SDK2: variants seen among roughly 807,000 people sequenced by gnomAD.
SDK2 encodes the protein sidekick cell adhesion molecule 2.
SDK2 carries 105 observed loss-of-function variants against 253.9 expected under a neutral mutation model. The ratio of observed to expected loss-of-function variants is 0.41; its 90% CI spans 0.35 to 0.49. The LOEUF is 0.49. SDK2 is among the 20% of genes least tolerant of loss of function. The pLI, the probability that SDK2 is intolerant of heterozygous loss-of-function variation, is 0.06. For missense variants in SDK2, 2,608 were observed against 3,003.0 expected (o/e 0.87, Z 3.07); for synonymous variants, 1,249 against 1,234.9 (o/e 1.01, Z -0.24).
At chr17:73,390,024 C>T (rs1170522618) in intron 29 of SDK2, among the ~76,000 whole-genome samples, 4 of 152,234 alleles carry the variant, frequency 2.6e-5, no homozygotes, top group Non-Finnish European at 5.9e-5. Flanking sequence ...GCTGGGATTA[C>T]AGGCGTGAGC....
rs143406840 is a variant in SDK2, at chr17:73,423,469, C to T, written c.1814G>A (p.Arg605Lys). 4 of 1,594,168 alleles carry T rather than the reference C, an allele frequency of 2.5e-6. No homozygotes were observed. The African/African-American group carries it at 5.4e-5, about 21-fold the overall frequency. The change falls in exon 14 of 45, where the codon AGG becomes AAG. Residue 605 changes from arginine to lysine, a missense_variant. Physicochemically the swap from Arg to Lys is conservative, Grantham distance 26. Coordinates refer to ENST00000392650, the MANE Select transcript of SDK2 (RefSeq NM_001144952.2). ...GGTCCACGTCAGGTTGATGGCTCGC[C>T]TTTCCACGGTGCTGAGAGTGGCCAC... The part of the protein sequence containing the change: ...HPVATLSTVE[R>K]RAINLTWTKP...
chr17:73,439,441 C>T (rs2063397048), intron 6 of SDK2, among the ~76,000 whole-genome samples: 1 of 152,162 alleles, frequency 6.6e-6, no homozygotes, highest in Non-Finnish European at 1.5e-5. Context: ...ACAAAAAAGG[C>T]TGGACACGGT....
intron 39 of SDK2, among the ~76,000 whole-genome samples, chr17:73,359,614 C>T (rs1052858996): frequency 6.6e-6 from 1 of 152,148 alleles, no homozygotes; most frequent in East Asian, 1.9e-4. Flanking sequence ...CTGCAGACCG[C>T]CCCCTGCACC....
chr17:73,397,940 G>T, intron 24 of SDK2, 95 bp downstream of exon 24: 1 of 1,356,144 alleles, frequency 7.4e-7, no homozygotes, highest in Non-Finnish European at 1.0e-6. Context: ...AAAGAGAGGA[G>T]AAAGGAGCTG....
intron 2 of SDK2, among the ~76,000 whole-genome samples, chr17:73,489,673 T>C (rs1277806535): frequency 6.6e-6 from 1 of 152,210 alleles, no homozygotes; most frequent in Non-Finnish European, 1.5e-5. Context: ...CAAGGGATGC[T>C]GGAAAGAGGC....
intron 1 of SDK2, among the ~76,000 whole-genome samples, chr17:73,573,911 T>C (rs988972900): frequency 1.3e-5 from 2 of 152,174 alleles, no homozygotes; most frequent in African/African-American, 2.4e-5. Flanking sequence ...CGGGCCTTGC[T>C]CTCAGGGGCC....
Position 73,415,830 on chromosome 17 carries a change from G to A in SDK2, c.2349C>T (p.Thr783=), listed in dbSNP as rs370359527. 10 of 1,554,012 alleles carry A rather than the reference G, an allele frequency of 6.4e-6. No homozygotes were observed. The highest frequency in any genetic ancestry group is 4.9e-5 in the East Asian group (2 of 41,106). ...AGLGVYSSKV[T]EWTLQGVPTV... is the part of the protein sequence containing the mutation. ...ACCTACCTCCCTGCAGCGTCCACTC[G>A]GTGACTTTACTGCTGTAGACCCCCA... The change falls in exon 17 of 45, where the codon ACC becomes ACT. Residue 783 remains threonine (T), a synonymous_variant. Transcript: ENST00000392650.
chr17:73,509,907 A>AC (rs968021353), intron 1 of SDK2, among the ~76,000 whole-genome samples: 3 of 142,152 alleles, frequency 2.1e-5, no homozygotes, highest in African/African-American at 7.9e-5. Context: ...CTCTACAAAA[A>AC]AAAAAAAAAA....
At chr17:73,422,229 T>C in intron 15 of SDK2, 58 bp downstream of exon 15, 1 of 1,592,290 alleles carries the variant, frequency 6.3e-7, no homozygotes, top group Non-Finnish European at 8.6e-7. Flanking sequence ...CGGTTTCGGC[T>C]GCAGCCCCTG....
At chr17:73,483,477 CTTTG>C (rs1458636762) in intron 2 of SDK2, among the ~76,000 whole-genome samples, 1 of 105,608 alleles carries the variant, frequency 9.5e-6, no homozygotes, top group Non-Finnish European at 1.8e-5. Flanking sequence ...CCTGGCTAAT[CTTTG>C]TGTGTGTGTG....
intron 1 of SDK2, among the ~76,000 whole-genome samples, chr17:73,627,892 A>AC (rs2046222162): frequency 6.6e-6 from 1 of 152,006 alleles, no homozygotes; most frequent in African/African-American, 2.4e-5. Flanking sequence ...CACTACAAAT[A>AC]CAAAAAAAAA....
At chr17:73,521,798 C>T (rs1003190507) in intron 1 of SDK2, among the ~76,000 whole-genome samples, 6 of 152,190 alleles carry the variant, frequency 3.9e-5, no homozygotes, top group Admixed American at 1.3e-4. Flanking sequence ...TCTCCTGGCG[C>T]GTACCAGGAA....
chr17:73,405,903 T>C (rs1298011128), intron 18 of SDK2, among the ~76,000 whole-genome samples: 2 of 151,910 alleles, frequency 1.3e-5, no homozygotes, highest in East Asian at 3.9e-4. Flanking sequence ...TTTTGCATTT[T>C]TAGTAGAAAC....
At position 73,555,778 on chromosome 17, in the gene SDK2, A is replaced by G. The variant is rs114713676; in HGVS notation, c.65-48181T>C. On this transcript the variant is annotated intron_variant, in intron 1 of 44. Coordinates refer to ENST00000392650, the MANE Select transcript of SDK2 (RefSeq NM_001144952.2). Reference sequence around the variant, plus strand: ...CCCAAAGCTGCCGGAGCCACTTAATATTCTGCAGAGGGGATCACTTCTCTT... The same window carrying G: ...CCCAAAGCTGCCGGAGCCACTTAATGTTCTGCAGAGGGGATCACTTCTCTT... Among the ~76,000 whole-genome samples the G allele has an allele frequency of 9.3e-3, 1,416 of 152,314 alleles. 16 individuals are homozygous for G. The highest frequency in any genetic ancestry group is 0.033 in the African/African-American group (1,367 of 41,564).
chr17:73,405,030 C>T (rs935324038), intron 18 of SDK2, among the ~76,000 whole-genome samples: 1 of 151,434 alleles, frequency 6.6e-6, no homozygotes, highest in African/African-American at 2.4e-5. Flanking sequence ...ATAGAAACAG[C>T]TGCCTTGCTG....
At chr17:73,620,606 CA>C (rs987188466) in intron 1 of SDK2, among the ~76,000 whole-genome samples, 3 of 152,172 alleles carry the variant, frequency 2.0e-5, no homozygotes, top group African/African-American at 7.2e-5. Context: ...CAACAGCCAA[CA>C]GGGGGAAATG....
At chr17:73,613,283 C>T (rs2046000702) in intron 1 of SDK2, among the ~76,000 whole-genome samples, 2 of 152,104 alleles carry the variant, frequency 1.3e-5, no homozygotes, top group Admixed American at 1.3e-4. Context: ...GGGCCCTCCA[C>T]GACTCCAAGC....
intron 1 of SDK2, among the ~76,000 whole-genome samples, chr17:73,567,261 C>T (rs2045325961): frequency 2.0e-5 from 3 of 152,272 alleles, no homozygotes; most frequent in African/African-American, 7.2e-5. Context: ...AGAGGGCATA[C>T]GCCATAAGAC....
intron 1 of SDK2, among the ~76,000 whole-genome samples, chr17:73,569,784 C>T (rs1188482323): frequency 6.6e-6 from 1 of 152,012 alleles, no homozygotes; most frequent in African/African-American, 2.4e-5. Flanking sequence ...GGTAGATGGG[C>T]GATGAGAACC....
Sources: gnomAD v4.1 joint callset for allele counts (sites outside exome capture counted in the v4.1 genomes callset) on GRCh38, gnomAD v4.1.1 for gene constraint, MANE v1.5 for transcripts, NCBI Gene and HGNC (gene_info 2026-07-23, HGNC 2026-07-21) for gene names.